Variants in NISCH observed in about 807,000 individuals in gnomAD.
NISCH encodes nischarin, also known as I-1 receptor candidate protein.
NISCH carries 55 observed loss-of-function variants against 138.4 expected under a neutral mutation model. The observed-to-expected ratio is 0.40, with a 90% CI of 0.32 to 0.50. NISCH has a LOEUF of 0.50. Ranked by LOEUF, NISCH falls within the 20% of genes least tolerant of loss-of-function variation. NISCH has a pLI of 0.71. For synonymous variants in NISCH, 860 were observed against 861.5 expected, an observed-to-expected ratio of 1.00 and a Z score of 0.03; for missense variants, 1,643 against 2,005.5, an observed-to-expected ratio of 0.82 and a Z score of 3.45.
At chr3:52,461,388 T>C (rs1023053150) in intron 3 of NISCH, among the ~76,000 whole-genome samples, 1 of 152,240 alleles carries the variant, frequency 6.6e-6, no homozygotes, top group Non-Finnish European at 1.5e-5. Context: ...GAAAAGTAGA[T>C]AGCATTCACA....
In NISCH at chr3:52,457,888, A is replaced by C. The variant is rs1473418970; in HGVS notation, c.139A>C (p.Lys47Gln). 6.2e-7 allele frequency: 1 copy of C among 1,612,252 alleles called. No individual in the cohort carries two copies. The highest frequency in any genetic ancestry group is 1.7e-5 in the Admixed American group (1 of 60,006). The change falls in exon 2 of 21, where the codon AAG becomes CAG. Residue 47 changes from lysine (K) to glutamine (Q), a missense_variant. Transcript: ENST00000345716. ...VTDGSHEWTV[K>Q]HRYSDFHDLH... ...TGATGGCAGCCATGAGTGGACAGTA[A>C]AGCACCGCTACAGCGACTTCCATGA...
chr3:52,490,895 C>T, intron 19 of NISCH, 62 bp downstream of exon 19: 2 of 1,599,320 alleles, frequency 1.3e-6, no homozygotes, highest in Non-Finnish European at 1.7e-6. Flanking sequence ...AGTGGGCTTC[C>T]ACCTTCCGTA....
chr3:52,484,171 A>C (rs1004805678), intron 13 of NISCH: 38 of 230,622 alleles, frequency 1.6e-4, no homozygotes, highest in Admixed American at 5.6e-4. Flanking sequence ...TATTGCAAAC[A>C]CTTTTCTCAT....
At chr3:52,484,462 T>TTGGCCCG in intron 13 of NISCH, 51 bp from the exon 14 acceptor site, 6 of 788,670 alleles carry the variant, frequency 7.6e-6, no homozygotes, top group Non-Finnish European at 1.1e-5. Context: ...ACAGCCGCTC[T>TTGGCCCG]CCCCGCCCCA....
At chr3:52,462,400 TC>T (rs1369824555) in intron 3 of NISCH, among the ~76,000 whole-genome samples, 1 of 152,202 alleles carries the variant, frequency 6.6e-6, no homozygotes, top group Non-Finnish European at 1.5e-5. Context: ...TTGCCAAATG[TC>T]CCACTGGGGG....
Position 52,479,850 on chromosome 3 carries a change from C to G in NISCH, c.1404C>G (p.Asn468Lys). The change falls in exon 12 of 21, where the codon AAC becomes AAG. Residue 468 changes from asparagine (N) to lysine (K), a missense_variant. Asn to Lys is a moderately conservative substitution (Grantham distance 94). Transcript: ENST00000345716. The stretch of plus-strand genomic sequence containing the variant: ...AGGAGGTCAAGTCCAAACTGAGCAA[C>G]CCAGAGAAGAAGGTGGGTTTGTGTG... ...KAKEVKSKLS[N>K]PEKKGGEDSR... 1 of 1,612,814 alleles carries G rather than the reference C, an allele frequency of 6.2e-7. No individual in the cohort carries two copies. The highest frequency in any genetic ancestry group is 8.5e-7 in the Non-Finnish European group (1 of 1,179,248).
chr3:52,462,823 A>G (rs1455302996), intron 3 of NISCH, among the ~76,000 whole-genome samples: 2 of 151,956 alleles, frequency 1.3e-5, no homozygotes, highest in Non-Finnish European at 2.9e-5. Context: ...TTTTTAGTAG[A>G]GACGGGGTTT....
chr3:52,488,256 G>A lies in NISCH; in HGVS notation c.2764G>A (p.Ala922Thr). The A allele has an allele frequency of 6.2e-7, 1 of 1,610,676 alleles. No individual in the cohort carries two copies. The change falls in exon 16 of 21, where the codon GCC (alanine) becomes ACC (threonine). Residue 922 changes from alanine to threonine, a missense_variant. Physicochemically the swap from Ala to Thr is moderately conservative, Grantham distance 58. Coordinates refer to ENST00000345716, the MANE Select transcript of NISCH (RefSeq NM_007184.4). ...GCCCCAGCACCTCAACGTCATCAAGGCCGACTTCAACCCCATGCCCAACCG... is the reference window on the plus strand; with the variant it reads ...GCCCCAGCACCTCAACGTCATCAAGACCGACTTCAACCCCATGCCCAACCG... ...LTPQHLNVIK[A>T]DFNPMPNRGT...
Position 52,490,737 on chromosome 3 carries a change from A to G in NISCH, c.3646A>G (p.Asn1216Asp). 1.2e-6 allele frequency: 2 copies of G among 1,614,150 alleles called. No individual in the cohort carries two copies. Among genetic ancestry groups the G allele is most frequent in the Non-Finnish European group, 1.7e-6 (2 of 1,180,022 alleles). The change falls in exon 19 of 21, where the codon AAC becomes GAC. Residue 1216 changes from asparagine (N) to aspartate (D), a missense_variant. Transcript: ENST00000345716. ...FWHQKNTDYN[N>D]SPFHISQCFV... ...GCATCAGAAAAACACCGACTACAACAACAGCCCTTTCCACATCTCCCAGTG... is the reference window on the plus strand; with the variant it reads ...GCATCAGAAAAACACCGACTACAACGACAGCCCTTTCCACATCTCCCAGTG...
chr3:52,455,613 CG>C lies in NISCH; in HGVS notation c.-26del, dbSNP rs1706437933. 1.2e-5 allele frequency: 16 copies of C among 1,293,822 alleles called. No individual in the cohort carries two copies. Among genetic ancestry groups the C allele is most frequent in the Non-Finnish European group, 1.6e-5 (16 of 1,014,458 alleles). 80.1% of individuals were successfully genotyped at this position (1,293,822 alleles called of 1,614,324 possible). On this transcript the variant is annotated 5_prime_UTR_variant, in exon 1 of 21. Transcript: ENST00000345716. ...GCCCCCTGCTGCTGCTAGTCTGCGCCGGGCGGCGGTGGCGGCGGAGACCCGA... is the reference window on the plus strand; with the variant it reads ...GCCCCCTGCTGCTGCTAGTCTGCGCCGGCGGCGGTGGCGGCGGAGACCCGA...
chr3:52,474,281 GTTTT>G (rs1370130288), intron 7 of NISCH, among the ~76,000 whole-genome samples: 1 of 150,902 alleles, frequency 6.6e-6, no homozygotes, highest in African/African-American at 2.4e-5. Flanking sequence ...GCCCCGCTAA[GTTTT>G]GTTTTTTGTT....
At chr3:52,467,005 T>TC (rs1283350919) in intron 3 of NISCH, among the ~76,000 whole-genome samples, 1 of 146,036 alleles carries the variant, frequency 6.8e-6, no homozygotes, top group Non-Finnish European at 1.5e-5. Context: ...TTTTCTTTTT[T>TC]TTTTTTTTTT....
intron 19 of NISCH, 84 bp downstream of exon 19, chr3:52,490,917 T>C (rs1707544765): frequency 1.3e-6 from 2 of 1,553,822 alleles, no homozygotes; most frequent in African/African-American, 2.7e-5. Flanking sequence ...GTGGGTGGGT[T>C]ATCATAGACA....
intron 2 of NISCH, 129 bp downstream of exon 2, chr3:52,458,055 G>GT: frequency 1.5e-6 from 1 of 659,302 alleles, no homozygotes; most frequent in Non-Finnish European, 2.7e-6. Flanking sequence ...AAACCACTTT[G>GT]TTAATATAAC....
At chr3:52,463,714 CTTTTTTTTTT>C (rs71084184) in intron 3 of NISCH, among the ~76,000 whole-genome samples, 30 of 41,456 alleles carry the variant, frequency 7.2e-4, no homozygotes, top group Admixed American at 2.9e-3. Context: ...TATTGAACCT[CTTTTTTTTTT>C]TTTTTTTTTT....
Position 52,487,254 on chromosome 3 carries a change from C to G in NISCH, c.1762C>G (p.Leu588Val). ...VVPGSGQIIFLPFTCIGYTAT... is the reference protein window; with the variant it reads ...VVPGSGQIIFVPFTCIGYTAT... ...GCCGGGGTCTGGCCAGATCATCTTC[C>G]TGCCCTTCACCTGCATTGGCTACAC... The change falls in exon 16 of 21, where the codon CTG becomes GTG. Residue 588 changes from leucine to valine, a missense_variant. Leu to Val is a conservative substitution (Grantham distance 32, BLOSUM62 1). Coordinates refer to ENST00000345716, the MANE Select transcript of NISCH (RefSeq NM_007184.4). The surrounding 1 kb of genome is among the most constrained non-coding windows in gnomAD (Gnocchi z 9.1). 6.2e-7 allele frequency: 1 copy of G among 1,614,198 alleles called. No homozygotes were observed. Among genetic ancestry groups the G allele is most frequent in the Non-Finnish European group, 8.5e-7 (1 of 1,180,054 alleles).
intron 13 of NISCH, among the ~76,000 whole-genome samples, chr3:52,483,986 C>A (rs1707343542): frequency 6.6e-6 from 1 of 152,228 alleles, no homozygotes; most frequent in Admixed American, 6.5e-5. Context: ...TTCAGCTTGC[C>A]TTTCTTTGTG....
At chr3:52,465,690 G>A (rs182795499) in intron 3 of NISCH, among the ~76,000 whole-genome samples, 86 of 152,292 alleles carry the variant, frequency 5.6e-4, no homozygotes, top group Middle Eastern at 6.8e-3. Flanking sequence ...CATGTGGGCC[G>A]GGACCTCCAA....
chr3:52,470,894 G>C lies in NISCH; in HGVS notation c.396G>C (p.Glu132Asp), dbSNP rs1578287396. Reference protein sequence around the residue: ...INGITAALAEELFEKGEQLLG... With the variant: ...INGITAALAEDLFEKGEQLLG... Reference sequence around the variant, plus strand: ...GCATCACCGCGGCACTGGCTGAAGAGCTCTTTGAGAAAGGTATGTGGCCAC... The same window carrying C: ...GCATCACCGCGGCACTGGCTGAAGACCTCTTTGAGAAAGGTATGTGGCCAC... The change falls in exon 4 of 21, where the codon GAG (glutamate) becomes GAC (aspartate). Residue 132 changes from glutamate (E) to aspartate (D), a missense_variant. By Grantham distance (45) the Glu-to-Asp change is conservative. Coordinates refer to ENST00000345716, the MANE Select transcript of NISCH (RefSeq NM_007184.4). 6.2e-7 allele frequency: 1 copy of C among 1,614,140 alleles called. No individual in the cohort carries two copies. Among genetic ancestry groups the C allele is most frequent in the Non-Finnish European group, 8.5e-7 (1 of 1,180,012 alleles).
Sources: gnomAD v4.1 joint callset for allele counts (sites outside exome capture counted in the v4.1 genomes callset) on GRCh38, gnomAD v4.1.1 for gene constraint, Gnocchi (gnomAD v3.1) non-coding constraint, MANE v1.5 for transcripts, NCBI Gene and HGNC (gene_info 2026-07-23, HGNC 2026-07-21) for gene names.